Variants in WASHC2C observed in about 807,000 individuals in gnomAD.
WASHC2C encodes the protein WASH complex subunit 2C, also known as Vaccinia Penetration Factor.
A neutral mutation model predicts 142.2 loss-of-function variants in WASHC2C; 73 were observed. The ratio of observed to expected loss-of-function variants is 0.51; its 90% CI spans 0.43 to 0.62. The LOEUF (loss-of-function observed/expected upper bound fraction) is 0.62, where lower values mean the gene tolerates loss of function less well. Among genes scored for constraint, WASHC2C ranks in the 20% least tolerant of loss-of-function variants. WASHC2C has a pLI of 0.00. For missense variants in WASHC2C, 969 were observed against 1,531.7 expected (o/e 0.63, Z 6.13); for synonymous variants, 337 against 565.5 (o/e 0.60, Z 5.73).
chr10:45,743,316 AG>A (rs2134346690), intron 5 of WASHC2C, 73 bp from the exon 6 acceptor site: 1 of 1,581,254 alleles, frequency 6.3e-7, no homozygotes, highest in Non-Finnish European at 8.7e-7. Flanking sequence ...CAGATGGAAC[AG>A]GGTATCAGGT....
chr10:45,773,589 A>G (rs2056802584), intron 21 of WASHC2C, among the ~76,000 whole-genome samples: 2 of 152,412 alleles, frequency 1.3e-5, no homozygotes, highest in South Asian at 4.1e-4. Flanking sequence ...TGGGTCTCAG[A>G]AGAGGCTTGG....
Position 45,786,915 on chromosome 10 carries a change from A to G in WASHC2C, c.2875-120A>G, listed in dbSNP as rs546192133. The G allele has an allele frequency of 3.9e-5, 62 of 1,608,344 alleles. No homozygotes were observed. The African/African-American group carries it at 5.8e-4, about 15-fold the overall frequency. On this transcript the variant is annotated intron_variant, in intron 27 of 30. Transcript: ENST00000623400. ...TGAGACTAGATTGGGCGATTTTCCT[A>G]CGTTTCTCTACTCCTCTCGTATTAT...
Position 45,728,892 on chromosome 10 carries a change from C to G in WASHC2C, c.157C>G (p.Gln53Glu). The change falls in exon 3 of 31, where the codon CAA becomes GAA. Residue 53 changes from glutamine (Q) to glutamate (E), a missense_variant. Physicochemically the swap from Gln to Glu is conservative, Grantham distance 29. Transcript: ENST00000623400. ...LLQFLQEFSQ[Q>E]TISRTHEIKK... is the part of the protein sequence containing the mutation. ...ACAGTTTCTACAGGAATTCTCACAGCAAACTATCTCTAGGACCCATGAAAT... is the reference window on the plus strand; with the variant it reads ...ACAGTTTCTACAGGAATTCTCACAGGAAACTATCTCTAGGACCCATGAAAT... The G allele has an allele frequency of 6.2e-7, 1 of 1,613,516 alleles. No individual in the cohort carries two copies. Among genetic ancestry groups the G allele is most frequent in the Non-Finnish European group, 8.5e-7 (1 of 1,179,750 alleles).
At chr10:45,729,995 A>T (rs2050342215) in intron 3 of WASHC2C, among the ~76,000 whole-genome samples, 1 of 150,070 alleles carries the variant, frequency 6.7e-6, no homozygotes, top group African/African-American at 2.4e-5. Flanking sequence ...GGTGTTAGAG[A>T]TCTCTTTGCC....
intron 20 of WASHC2C, 67 bp downstream of exon 20, chr10:45,769,685 A>G: frequency 3.7e-6 from 6 of 1,610,130 alleles, no homozygotes; most frequent in Non-Finnish European, 5.1e-6. Context: ...AATCTGATGC[A>G]CAATCTAGTT....
intron 20 of WASHC2C, among the ~76,000 whole-genome samples, chr10:45,771,328 G>A (rs2056559259): frequency 7.4e-6 from 1 of 134,406 alleles, no homozygotes; most frequent in Admixed American, 8.6e-5. Flanking sequence ...TCTCACCACT[G>A]CACTCCAGCC....
At chr10:45,743,920 T>C (rs540256378) in intron 6 of WASHC2C, among the ~76,000 whole-genome samples, 2 of 150,096 alleles carry the variant, frequency 1.3e-5, no homozygotes, top group South Asian at 4.2e-4. Flanking sequence ...GGCCAATTTT[T>C]GTATTTTTAG....
chr10:45,789,216 G>T lies in WASHC2C; in HGVS notation c.3433G>T (p.Val1145Leu). Residue 1145 changes from valine (V) to leucine (L), a missense_variant, in exon 29 of 31, where the codon GTG becomes TTG. Transcript: ENST00000623400. The part of the protein sequence containing the change: ...IFSTGTGSQS[V>L]ERTKPKAKIA... ...TTCCACGGGCACTGGATCTCAGTCCGTGGAGAGAACAAAACCCAAGGCAAA... is the reference window on the plus strand; with the variant it reads ...TTCCACGGGCACTGGATCTCAGTCCTTGGAGAGAACAAAACCCAAGGCAAA... 6.2e-7 allele frequency: 1 copy of T among 1,612,044 alleles called. No homozygotes were observed. Among genetic ancestry groups the T allele is most frequent in the South Asian group, 1.1e-5 (1 of 90,996 alleles).
chr10:45,788,547 C>T (rs1345457046), intron 28 of WASHC2C, among the ~76,000 whole-genome samples: 1 of 151,470 alleles, frequency 6.6e-6, no homozygotes, highest in Admixed American at 6.6e-5. Flanking sequence ...GGTTGTGAGA[C>T]ACAGAGAGCC....
At position 45,746,654 on chromosome 10, in the gene WASHC2C, C is replaced by T. The variant is rs1169710729; in HGVS notation, c.732+7C>T. The T allele has an allele frequency of 1.2e-6, 2 of 1,612,978 alleles. No homozygotes were observed. The highest frequency in any genetic ancestry group is 1.7e-6 in the Non-Finnish European group (2 of 1,179,350). ...TGACAATGAACAAAACCAGGTAAGG[C>T]TCATATATTGAAATGACTTTGTTTT... On this transcript the variant is annotated splice_region_variant and intron_variant, in intron 8 of 30. Transcript: ENST00000623400.
chr10:45,729,030 A>T lies in WASHC2C; in HGVS notation c.291+4A>T. On this transcript the variant is annotated splice_donor_region_variant and intron_variant, in intron 3 of 30. Coordinates refer to ENST00000623400, the MANE Select transcript of WASHC2C (RefSeq NM_001330074.2). Reference sequence around the variant, plus strand: ...TAATACCCAGTTCATAGAGAATGTGAGTTATTTAGTTATATTATAATTCCT... The same window carrying T: ...TAATACCCAGTTCATAGAGAATGTGTGTTATTTAGTTATATTATAATTCCT... 6.2e-7 allele frequency: 1 copy of T among 1,609,228 alleles called. No homozygotes were observed. Among genetic ancestry groups the T allele is most frequent in the Non-Finnish European group, 8.5e-7 (1 of 1,178,338 alleles).
intron 20 of WASHC2C, among the ~76,000 whole-genome samples, chr10:45,770,821 T>C (rs1174696414): frequency 6.6e-6 from 1 of 152,172 alleles, no homozygotes; most frequent in Non-Finnish European, 1.5e-5. Flanking sequence ...TCCCTGTGCC[T>C]CAATTTCCTC....
chr10:45,762,646 C>G (rs1415973031), intron 17 of WASHC2C, among the ~76,000 whole-genome samples: 1 of 152,212 alleles, frequency 6.6e-6, no homozygotes, highest in Admixed American at 6.5e-5. Flanking sequence ...TGGCTCAAGC[C>G]TGTAATCCCA....
At chr10:45,741,645 T>A (rs2052062998) in intron 5 of WASHC2C, among the ~76,000 whole-genome samples, 1 of 152,144 alleles carries the variant, frequency 6.6e-6, no homozygotes. Flanking sequence ...TGTTGTTGTG[T>A]GAAACGTCAG....
intron 19 of WASHC2C, among the ~76,000 whole-genome samples, chr10:45,768,234 GAA>G (rs1169870861): frequency 1.4e-4 from 11 of 76,458 alleles, no homozygotes; most frequent in African/African-American, 2.1e-4. Context: ...CTCGAAAAAG[GAA>G]AAAAAAAAAA....
chr10:45,727,249 G>C, upstream of WASHC2C: 6 of 1,532,668 alleles, frequency 3.9e-6, no homozygotes, highest in Non-Finnish European at 4.4e-6. Context: ...GCTGGGGCTA[G>C]GCTTCCGGGG....
chr10:45,736,220 T>G (rs146762087), intron 3 of WASHC2C, among the ~76,000 whole-genome samples: 192 of 150,826 alleles, frequency 1.3e-3, no homozygotes, highest in Non-Finnish European at 1.7e-3. Context: ...CTGGTTAACA[T>G]GGTGAAACCC....
At chr10:45,754,807 T>C in intron 14 of WASHC2C, 129 bp from the exon 15 acceptor site, 3 of 1,318,222 alleles carry the variant, frequency 2.3e-6, no homozygotes, top group Non-Finnish European at 3.2e-6. Flanking sequence ...ATGGAGGCTA[T>C]TGGGCCCTGT....
intron 21 of WASHC2C, among the ~76,000 whole-genome samples, chr10:45,773,892 CAAAAAA>C (rs71023148): frequency 2.9e-4 from 9 of 31,090 alleles, no homozygotes; most frequent in African/African-American, 6.6e-4. Context: ...TACTGCAGGC[CAAAAAA>C]AAAAAAAAAA....
Sources: allele counts gnomAD v4.1 joint callset (sites outside exome capture counted in the v4.1 genomes callset), GRCh38; gene constraint gnomAD v4.1.1; transcripts MANE v1.5; gene names NCBI Gene and HGNC (gene_info 2026-07-23, HGNC 2026-07-21).